XKR6: variants seen among roughly 807,000 people sequenced by gnomAD.
XKR6 encodes XK related 6.
Under a neutral mutation model 56.7 loss-of-function variants are expected in XKR6, and 22 were observed. The ratio of observed to expected loss-of-function variants is 0.39; its 90% CI spans 0.28 to 0.55. XKR6 has a LOEUF of 0.55. Ranked by LOEUF, XKR6 falls within the 20% of genes least tolerant of loss-of-function variation. The probability of loss-of-function intolerance (pLI) is 0.66; values close to 1 mark genes in which losing one functional copy is unlikely to be tolerated. For synonymous variants in XKR6, 524 were observed against 387.8 expected (o/e 1.35, Z -4.13); for missense variants, 852 against 889.0 (o/e 0.96, Z 0.53).
intron 1 of XKR6, among the ~76,000 whole-genome samples, chr8:11,169,585 A>C (rs554729385): frequency 6.6e-6 from 1 of 152,362 alleles, no homozygotes; most frequent in East Asian, 1.9e-4. Flanking sequence ...TAAAACAGGC[A>C]AAGTCAGAGA....
At chr8:11,074,518 A>C (rs960001464) in intron 1 of XKR6, among the ~76,000 whole-genome samples, 3 of 152,222 alleles carry the variant, frequency 2.0e-5, no homozygotes, top group African/African-American at 2.4e-5. Context: ...CGAATGTGGC[A>C]ATGAAGAAAG....
At chr8:11,096,674 G>C (rs931596964) in intron 1 of XKR6, among the ~76,000 whole-genome samples, 6 of 152,208 alleles carry the variant, frequency 3.9e-5, no homozygotes, top group Admixed American at 2.6e-4. Context: ...GCCCCCATGA[G>C]GTCCACTTTG....
chr8:10,980,634 C>T (rs944095571), intron 1 of XKR6, among the ~76,000 whole-genome samples: 25 of 152,154 alleles, frequency 1.6e-4, no homozygotes, highest in Admixed American at 9.8e-4. Context: ...CCATGTTACA[C>T]GGATCATGAT....
intron 1 of XKR6, chr8:11,123,988 A>G: frequency 2.2e-6 from 1 of 456,156 alleles, no homozygotes; most frequent in Non-Finnish European, 4.4e-6. Context: ...TGCCGTGAGC[A>G]GCCTCTCTAA....
intron 1 of XKR6, among the ~76,000 whole-genome samples, chr8:10,952,807 T>C (rs1016837276): frequency 6.6e-6 from 1 of 152,120 alleles, no homozygotes; most frequent in Non-Finnish European, 1.5e-5. Context: ...CCCCGGGCCA[T>C]GGACAGGTAC....
Position 10,964,287 on chromosome 8 carries a change from T to TAGA in XKR6, c.765-39458_765-39457insTCT, listed in dbSNP as rs898694827. ...TACCCCCACGCTTCCCTGGGGCTTC[T>TAGA]AGGACACCTTCTAGGACACCTGTTT... On this transcript the variant is annotated intron_variant, in intron 1 of 2. Coordinates refer to ENST00000416569, the MANE Select transcript of XKR6 (RefSeq NM_173683.4). Among the ~76,000 whole-genome samples, 38 of 152,146 alleles carry TAGA rather than the reference T, an allele frequency of 2.5e-4. 1 individual carries two copies. Among genetic ancestry groups the TAGA allele is most frequent in the African/African-American group, 9.2e-4 (38 of 41,456 alleles).
intron 1 of XKR6, chr8:11,124,797 G>A (rs1026750672): frequency 6.6e-6 from 1 of 151,978 alleles, no homozygotes; most frequent in Non-Finnish European, 1.5e-5. Flanking sequence ...AAAAAGTATT[G>A]ATGCTGGGCT....
chr8:10,899,945 C>A (rs1007971040), intron 2 of XKR6, among the ~76,000 whole-genome samples: 4 of 152,152 alleles, frequency 2.6e-5, no homozygotes, highest in African/African-American at 9.7e-5. Flanking sequence ...CCATGAACAA[C>A]CAGTCATTAT....
chr8:10,913,428 G>T (rs763185670), intron 2 of XKR6, among the ~76,000 whole-genome samples: 1 of 152,080 alleles, frequency 6.6e-6, no homozygotes, highest in African/African-American at 2.4e-5. Flanking sequence ...GTACTCAGCC[G>T]TGAGTGCCCT....
intron 1 of XKR6, among the ~76,000 whole-genome samples, chr8:11,154,467 T>G: frequency 6.6e-6 from 1 of 152,240 alleles, no homozygotes; most frequent in East Asian, 1.9e-4. Flanking sequence ...TTCCTTTGGC[T>G]TCCTTTGATC....
intron 1 of XKR6, among the ~76,000 whole-genome samples, chr8:10,972,335 T>C (rs548915149): frequency 1.3e-5 from 2 of 152,318 alleles, no homozygotes; most frequent in East Asian, 3.9e-4. Flanking sequence ...CAATTACCAA[T>C]TCTTTCCTGC....
intron 1 of XKR6, among the ~76,000 whole-genome samples, chr8:11,193,958 T>A (rs938115403): frequency 6.6e-6 from 1 of 152,202 alleles, no homozygotes; most frequent in African/African-American, 2.4e-5. Context: ...AGTTTCTCAG[T>A]AGGTTTAGTC....
intron 2 of XKR6, among the ~76,000 whole-genome samples, chr8:10,910,926 T>A (rs1445553075): frequency 2.6e-5 from 4 of 152,212 alleles, no homozygotes; most frequent in African/African-American, 4.8e-5. Flanking sequence ...GATGGCCGTC[T>A]GCTTTCCCTG....
intron 1 of XKR6, among the ~76,000 whole-genome samples, chr8:10,943,602 G>A (rs1166886362): frequency 2.0e-5 from 3 of 152,086 alleles, no homozygotes; most frequent in Admixed American, 1.3e-4. Context: ...CCCCTCGCTC[G>A]TCCTCCCGTA....
intron 1 of XKR6, among the ~76,000 whole-genome samples, chr8:10,996,259 T>C (rs905376508): frequency 6.6e-6 from 1 of 152,194 alleles, no homozygotes; most frequent in Non-Finnish European, 1.5e-5. Context: ...TGGGGGTGTG[T>C]GGAACAGTGG....
At chr8:11,181,448 A>G (rs775327650) in intron 1 of XKR6, among the ~76,000 whole-genome samples, 81 of 152,354 alleles carry the variant, frequency 5.3e-4, no homozygotes, top group African/African-American at 1.9e-3. Context: ...AAACTAGATT[A>G]CAAAGTGACT....
intron 1 of XKR6, chr8:11,108,497 T>C (rs1468626342): frequency 2.6e-6 from 1 of 380,316 alleles, no homozygotes; most frequent in South Asian, 2.0e-5. Flanking sequence ...ACTCAACTTA[T>C]GAAATAAACC....
chr8:10,946,673 G>C (rs897338910), intron 1 of XKR6, among the ~76,000 whole-genome samples: 1 of 152,020 alleles, frequency 6.6e-6, no homozygotes, highest in Non-Finnish European at 1.5e-5. Context: ...CAAGCACTCA[G>C]CAGACATAAT....
At chr8:11,076,827 G>T (rs1272005004) in intron 1 of XKR6, among the ~76,000 whole-genome samples, 1 of 152,172 alleles carries the variant, frequency 6.6e-6, no homozygotes, top group Admixed American at 6.5e-5. Context: ...TGAATCCCAA[G>T]GACAAGAAAG....
Sources: allele counts gnomAD v4.1 joint callset (sites outside exome capture counted in the v4.1 genomes callset), GRCh38; gene constraint gnomAD v4.1.1; transcripts MANE v1.5; gene names NCBI Gene and HGNC (gene_info 2026-07-23, HGNC 2026-07-21).